Variants in RNF130 observed in about 807,000 individuals in gnomAD.
RNF130 encodes the protein ring finger protein 130.
Under a neutral mutation model 44.6 loss-of-function variants are expected in RNF130, and 21 were observed. The observed-to-expected ratio is 0.47, with a 90% confidence interval of 0.33 to 0.68. The LOEUF is 0.68. Ranked by LOEUF, RNF130 falls within the 30% of genes least tolerant of loss-of-function variation. The probability of loss-of-function intolerance (pLI) is 0.02; values close to 1 mark genes in which losing one functional copy is unlikely to be tolerated. For synonymous variants in RNF130, 214 were observed against 210.4 expected, an observed-to-expected ratio of 1.02 and a Z score of -0.15; for missense variants, 479 against 560.6, an observed-to-expected ratio of 0.85 and a Z score of 1.47.
chr5:180,069,745 G>A (rs1765202335), intron 1 of RNF130, among the ~76,000 whole-genome samples: 1 of 152,220 alleles, frequency 6.6e-6, no homozygotes, highest in African/African-American at 2.4e-5. Context: ...TGGACGTAAA[G>A]CACAGGCCTG....
chr5:179,926,552 G>GA (rs397968192), intron 7 of RNF130, among the ~76,000 whole-genome samples: 51 of 34,690 alleles, frequency 1.5e-3, no homozygotes, highest in Non-Finnish European at 1.9e-3. Flanking sequence ...GGGAGGCTGA[G>GA]CAGGGGAATT....
chr5:179,940,063 C>T (rs537659993), intron 7 of RNF130: 4 of 209,746 alleles, frequency 1.9e-5, no homozygotes, highest in East Asian at 1.5e-4. Context: ...GGTGCCACAT[C>T]GGTGTCATTC....
intron 5 of RNF130, among the ~76,000 whole-genome samples, chr5:179,971,257 C>T (rs1322972908): frequency 1.3e-5 from 2 of 152,194 alleles, no homozygotes; most frequent in Non-Finnish European, 2.9e-5. Flanking sequence ...GCCCAGCAGC[C>T]TTCTGAAGCT....
intron 2 of RNF130, among the ~76,000 whole-genome samples, chr5:180,026,104 T>C (rs1763978430): frequency 6.7e-6 from 1 of 150,110 alleles, no homozygotes; most frequent in African/African-American, 2.5e-5. Context: ...TCAACTAATT[T>C]TGTTCAACCA....
intron 3 of RNF130, among the ~76,000 whole-genome samples, chr5:180,007,408 A>T (rs1020998437): frequency 2.0e-5 from 3 of 152,194 alleles, no homozygotes; most frequent in Non-Finnish European, 4.4e-5. Context: ...CTCAAAAAAC[A>T]AAAACAAAAA....
chr5:179,961,433 C>T (rs1762327115), intron 8 of RNF130, among the ~76,000 whole-genome samples: 1 of 152,172 alleles, frequency 6.6e-6, no homozygotes. Context: ...GATTCTGAGT[C>T]ATGCAGGTAT....
At chr5:179,917,816 C>G (rs1327132043) in exon 8 of RNF130, 2 of 152,158 alleles carry the variant, frequency 1.3e-5, no homozygotes, top group African/African-American at 4.8e-5. Context: ...CCAGCCTGGG[C>G]AACATGGCAA....
intron 3 of RNF130, among the ~76,000 whole-genome samples, chr5:180,011,096 C>T (rs1561691229): frequency 6.6e-6 from 1 of 152,138 alleles, no homozygotes; most frequent in Non-Finnish European, 1.5e-5. Flanking sequence ...TTTCACAAAA[C>T]GCATATAACC....
chr5:180,071,332 T>C (rs1255881440), intron 1 of RNF130, 124 bp downstream of exon 1: 2 of 979,722 alleles, frequency 2.0e-6, no homozygotes, highest in South Asian at 5.3e-5. Flanking sequence ...GCCTCGACCC[T>C]GGCTGGGGCT....
intron 7 of RNF130, among the ~76,000 whole-genome samples, chr5:179,938,460 A>G (rs1395796765): frequency 6.6e-6 from 1 of 151,902 alleles, no homozygotes; most frequent in East Asian, 1.9e-4. Flanking sequence ...TTTTGGGGTG[A>G]TGAAAACGTT....
intron 3 of RNF130, among the ~76,000 whole-genome samples, chr5:179,993,186 C>T (rs929951511): frequency 6.6e-6 from 1 of 152,218 alleles, no homozygotes; most frequent in Non-Finnish European, 1.5e-5. Context: ...AATAAACATA[C>T]GTGTGCATGT....
chr5:179,995,355 G>A (rs1179165624), intron 3 of RNF130, among the ~76,000 whole-genome samples: 1 of 152,154 alleles, frequency 6.6e-6, no homozygotes, highest in Admixed American at 6.5e-5. Context: ...CCATGATGGG[G>A]GTGCAGGGGT....
intron 2 of RNF130, among the ~76,000 whole-genome samples, chr5:180,034,197 C>T (rs1764198231): frequency 6.8e-6 from 1 of 146,970 alleles, no homozygotes. Flanking sequence ...TATTGATTTT[C>T]AGATGTAAAA....
chr5:179,995,514 A>G (rs887878043), intron 3 of RNF130, among the ~76,000 whole-genome samples: 3 of 152,198 alleles, frequency 2.0e-5, no homozygotes, highest in Non-Finnish European at 4.4e-5. Flanking sequence ...TGCTGCTGCT[A>G]GGCCACAGGA....
rs193191934 is a variant in RNF130, at chr5:179,962,605, T to C, written c.1244+866A>G. Among the ~76,000 whole-genome samples the C allele has an allele frequency of 2.8e-3, 431 of 152,260 alleles. 2 individuals are homozygous for C. Among genetic ancestry groups the C allele is most frequent in the South Asian group, 5.0e-3 (24 of 4,824 alleles). ...AGGACTGAACGATATCCTCAGTAAA[T>C]GTCCAAAATTTAGAACAAAACAAAA... On this transcript the variant is annotated intron_variant, in intron 8 of 8. Transcript: ENST00000521389.
At chr5:179,998,422 A>T (rs1561685995) in intron 3 of RNF130, among the ~76,000 whole-genome samples, 1 of 152,084 alleles carries the variant, frequency 6.6e-6, no homozygotes, top group East Asian at 1.9e-4. Context: ...TCTTTATTTC[A>T]TTTGTGGTCA....
chr5:179,951,389 G>GTTT (rs59639284), downstream of RNF130, among the ~76,000 whole-genome samples: 2 of 146,838 alleles, frequency 1.4e-5, no homozygotes, highest in Non-Finnish European at 3.0e-5. Flanking sequence ...ATAGGTTTTT[G>GTTT]TTTTTTTTTT....
intron 1 of RNF130, among the ~76,000 whole-genome samples, chr5:180,043,017 G>A (rs922864146): frequency 8.5e-5 from 13 of 152,172 alleles, no homozygotes; most frequent in African/African-American, 3.1e-4. Flanking sequence ...ACGTGAAAAA[G>A]CCAAGAGTAA....
At chr5:179,928,634 T>G (rs1455681011) in intron 7 of RNF130, among the ~76,000 whole-genome samples, 8 of 136,584 alleles carry the variant, frequency 5.9e-5, no homozygotes, top group South Asian at 2.1e-4. Flanking sequence ...TGTTGTTGTT[T>G]TTTTTTTTTT....
Sources: gnomAD v4.1 joint callset for allele counts (sites outside exome capture counted in the v4.1 genomes callset) on GRCh38, gnomAD v4.1.1 for gene constraint, MANE v1.5 for transcripts, NCBI Gene and HGNC (gene_info 2026-07-23, HGNC 2026-07-21) for gene names.